PTPRB: variants seen among roughly 807,000 people sequenced by gnomAD.
PTPRB encodes receptor-type tyrosine-protein phosphatase beta.
A neutral mutation model predicts 238.1 loss-of-function variants in PTPRB; 97 were observed. The observed-to-expected ratio is 0.41, with a 90% CI of 0.35 to 0.48. The LOEUF (loss-of-function observed/expected upper bound fraction) is 0.48. PTPRB is among the 20% of genes least tolerant of loss of function. The pLI, the probability that PTPRB is intolerant of heterozygous loss-of-function variation, is 0.30. For missense variants in PTPRB, 2,292 were observed against 2,681.9 expected (o/e 0.85, Z 3.21); for synonymous variants, 970 against 995.4 (o/e 0.97, Z 0.48).
intron 3 of PTPRB, among the ~76,000 whole-genome samples, chr12:70,611,835 C>T (rs1328513199): frequency 6.6e-6 from 1 of 152,112 alleles, no homozygotes; most frequent in Non-Finnish European, 1.5e-5. Context: ...AGAACTTTTA[C>T]TCTGTATTTT....
intron 3 of PTPRB, among the ~76,000 whole-genome samples, chr12:70,619,312 T>TGATAATGATGAC (rs141738542): frequency 0.5 from 75,263 of 149,966 alleles, 19,717 homozygotes; most frequent in African/African-American, 0.66. Flanking sequence ...ATGATGATGA[T>TGATAATGATGAC]GATAATGATA....
intron 3 of PTPRB, chr12:70,609,846 G>T: frequency 6.4e-7 from 1 of 1,559,856 alleles, no homozygotes; most frequent in East Asian, 2.4e-5. Context: ...AGAGGAGACC[G>T]AGGGGGCTGG....
chr12:70,524,844 T>C (rs904414567), intron 32 of PTPRB, among the ~76,000 whole-genome samples: 1 of 143,682 alleles, frequency 7.0e-6, no homozygotes, highest in African/African-American at 2.7e-5. Context: ...TATATGTGTG[T>C]ATATATGTGT....
At chr12:70,564,730 G>A (rs1291023185) in intron 15 of PTPRB, among the ~76,000 whole-genome samples, 1 of 151,754 alleles carries the variant, frequency 6.6e-6, no homozygotes. Flanking sequence ...CTACTTGGGA[G>A]GTTGAGATGG....
At chr12:70,569,165 C>T (rs1879708045) in intron 14 of PTPRB, among the ~76,000 whole-genome samples, 6 of 152,148 alleles carry the variant, frequency 3.9e-5, no homozygotes, top group Middle Eastern at 3.4e-3. Flanking sequence ...TGCAGTGGCA[C>T]GATCACGACT....
intron 3 of PTPRB, among the ~76,000 whole-genome samples, chr12:70,618,353 G>C (rs1884770456): frequency 6.6e-6 from 1 of 152,130 alleles, no homozygotes; most frequent in African/African-American, 2.4e-5. Flanking sequence ...TGAGTGATCT[G>C]CTCACCTCGG....
intron 22 of PTPRB, among the ~76,000 whole-genome samples, chr12:70,543,688 G>A (rs2136269565): frequency 6.6e-6 from 1 of 152,290 alleles, no homozygotes; most frequent in East Asian, 1.9e-4. Flanking sequence ...TACAGGAAAA[G>A]GCTACGCAGA....
intron 5 of PTPRB, among the ~76,000 whole-genome samples, chr12:70,595,543 G>A (rs1882939385): frequency 6.6e-6 from 1 of 152,148 alleles, no homozygotes; most frequent in South Asian, 2.1e-4. Flanking sequence ...ATGGAAGGAG[G>A]TAGTGATGTG....
intron 4 of PTPRB, among the ~76,000 whole-genome samples, chr12:70,600,689 C>A (rs1183072090): frequency 6.6e-6 from 1 of 152,058 alleles, no homozygotes; most frequent in Non-Finnish European, 1.5e-5. Context: ...TGAAAGCCTT[C>A]TAAGTGTCTT....
rs146204169 is a variant in PTPRB at position 70,566,078 on chromosome 12, C to T, written c.3904+357G>A. Among the ~76,000 whole-genome samples the T allele has an allele frequency of 2.2e-3, 328 of 152,256 alleles. 2 individuals are homozygous for T. Among genetic ancestry groups the T allele is most frequent in the African/African-American group, 7.3e-3 (303 of 41,538 alleles). On this transcript the variant is annotated intron_variant, in intron 15 of 33. Transcript: ENST00000334414. ...CCCTCTAAAGTGTCTACAAGAAACA[C>T]AGCCCTGTTGTCTTGATTTCAGTCC...
chr12:70,535,629 ATTAT>A (rs1270863171), intron 29 of PTPRB, among the ~76,000 whole-genome samples: 1 of 152,134 alleles, frequency 6.6e-6, no homozygotes, highest in Non-Finnish European at 1.5e-5. Context: ...TGTCTGGATT[ATTAT>A]TTTACTTTGT....
intron 16 of PTPRB, among the ~76,000 whole-genome samples, 181 bp downstream of exon 16, chr12:70,562,663 A>G (rs2567132): frequency 0.97 from 148,387 of 152,272 alleles, 72,321 homozygotes; most frequent in East Asian, 1. Flanking sequence ...TGCAAAAACT[A>G]GCCACAAATT....
chr12:70,587,515 G>T (rs1339028299), intron 8 of PTPRB, among the ~76,000 whole-genome samples: 1 of 152,090 alleles, frequency 6.6e-6, no homozygotes, highest in Non-Finnish European at 1.5e-5. Flanking sequence ...ATAATACTTT[G>T]AGTTTATCTT....
At chr12:70,623,416 G>A (rs528071846) in intron 2 of PTPRB, among the ~76,000 whole-genome samples, 2 of 152,134 alleles carry the variant, frequency 1.3e-5, no homozygotes, top group Non-Finnish European at 2.9e-5. Flanking sequence ...TCCATCTCCT[G>A]GGAATCTTGC....
At chr12:70,623,733 A>G (rs1365407877) in intron 2 of PTPRB, among the ~76,000 whole-genome samples, 1 of 152,014 alleles carries the variant, frequency 6.6e-6, no homozygotes, top group Non-Finnish European at 1.5e-5. Flanking sequence ...ATTTTTAACT[A>G]CTCATTTACT....
At chr12:70,531,804 T>TA (rs34775276) in intron 32 of PTPRB, among the ~76,000 whole-genome samples, 24,053 of 152,096 alleles carry the variant, frequency 0.16, 2,238 homozygotes, top group Non-Finnish European at 0.22. Context: ...GTGAAGTTCT[T>TA]ATGCTCATCT....
At chr12:70,575,490 T>C (rs1880584397) in intron 11 of PTPRB, among the ~76,000 whole-genome samples, 1 of 152,192 alleles carries the variant, frequency 6.6e-6, no homozygotes, top group African/African-American at 2.4e-5. Context: ...CCATGAACCA[T>C]GGACTCCCAG....
At chr12:70,632,387 T>C (rs1212462949) in intron 2 of PTPRB, among the ~76,000 whole-genome samples, 2 of 151,410 alleles carry the variant, frequency 1.3e-5, no homozygotes, top group African/African-American at 4.9e-5. Flanking sequence ...ACGAGAACAC[T>C]TGGACACAGG....
In PTPRB at chr12:70,558,318, C is replaced by T. The variant is rs374606395; in HGVS notation, c.4714+1025G>A. On this transcript the variant is annotated intron_variant, in intron 18 of 33. Coordinates refer to ENST00000334414, the MANE Select transcript of PTPRB (RefSeq NM_001109754.4). ...CATATTTCTCTTGACACACAAATAA[C>T]TGCTCTTTGGATACAATGTGGCATA... is the stretch of plus-strand genomic sequence containing the variant. Among the ~76,000 whole-genome samples the T allele has an allele frequency of 5.6e-3, 854 of 152,290 alleles. 4 individuals are homozygous for T. The highest frequency in any genetic ancestry group is 9.0e-3 in the Non-Finnish European group (611 of 68,026).
Sources: allele counts gnomAD v4.1 joint callset (sites outside exome capture counted in the v4.1 genomes callset), GRCh38; gene constraint gnomAD v4.1.1; transcripts MANE v1.5; gene names NCBI Gene and HGNC (gene_info 2026-07-23, HGNC 2026-07-21).